GABRR2: variants seen among roughly 807,000 people sequenced by gnomAD.
GABRR2 encodes the protein gamma-aminobutyric acid receptor subunit rho-2.
A neutral mutation model predicts 47.0 loss-of-function variants in GABRR2; 36 were observed. That is an observed-to-expected ratio of 0.77 (90% CI 0.59 to 1.01). GABRR2 has a LOEUF of 1.01. Among genes scored for constraint, GABRR2 ranks in the 50% least tolerant of loss-of-function variants. The pLI, the probability that GABRR2 is intolerant of heterozygous loss-of-function variation, is 0.00. For synonymous variants in GABRR2, 204 were observed against 227.5 expected (o/e 0.90, Z 0.93); for missense variants, 587 against 594.6 (o/e 0.99, Z 0.13).
chr6:89,291,039 C>T (rs1774431455), intron 2 of GABRR2, among the ~76,000 whole-genome samples: 1 of 152,208 alleles, frequency 6.6e-6, no homozygotes, highest in Non-Finnish European at 1.5e-5. Context: ...AGCATGCCAG[C>T]TGCTTCCTGT....
At position 89,302,529 on chromosome 6, in the gene GABRR2, G is replaced by C; in HGVS notation, c.114-2664C>G. The C allele has an allele frequency of 6.0e-6, 5 of 839,688 alleles. 1 individual carries two copies. The South Asian group carries it at 6.6e-5, about 11-fold the overall frequency. The allele number at this position is 839,688 out of a possible 1,614,324, so 52.0% of individuals were successfully genotyped here. A position where few individuals can be genotyped will look rare whatever the true frequency, so the allele number is the denominator to read the frequency against. On this transcript the variant is annotated intron_variant, in intron 1 of 8. Coordinates refer to ENST00000402938, the MANE Select transcript of GABRR2 (RefSeq NM_002043.5). ...GCCAGCTCAATGCGGACCTGCACAA[G>C]CTGGTGGTGAACATGGGTGCCCTTC...
At chr6:89,299,978 T>C in intron 1 of GABRR2, 113 bp from the exon 2 acceptor site, 1 of 694,116 alleles carries the variant, frequency 1.4e-6, no homozygotes, top group Non-Finnish European at 2.6e-6. Context: ...TTCTCCATTC[T>C]ACTTCTTGGC....
chr6:89,301,160 A>G (rs1261700800), intron 1 of GABRR2, among the ~76,000 whole-genome samples: 1 of 149,620 alleles, frequency 6.7e-6, no homozygotes, highest in African/African-American at 2.5e-5. Flanking sequence ...CAATGGATGC[A>G]CAAGAGGCTT....
chr6:89,294,328 T>C (rs1774520184), intron 2 of GABRR2, among the ~76,000 whole-genome samples: 1 of 152,164 alleles, frequency 6.6e-6, no homozygotes, highest in Non-Finnish European at 1.5e-5. Context: ...GTATGTTTAA[T>C]AGAGATGGGT....
chr6:89,265,031 A>C (rs1172896874), intron 7 of GABRR2, among the ~76,000 whole-genome samples: 1 of 152,142 alleles, frequency 6.6e-6, no homozygotes, highest in East Asian at 1.9e-4. Flanking sequence ...GGAAATTCCC[A>C]GAGGCCCATC....
At chr6:89,298,501 C>CT (rs1022695493) in intron 2 of GABRR2, among the ~76,000 whole-genome samples, 6 of 152,156 alleles carry the variant, frequency 3.9e-5, no homozygotes, top group African/African-American at 1.4e-4. Context: ...ACAGCTACTC[C>CT]TTTTTACTGC....
rs1187678160 is a variant in GABRR2, at chr6:89,314,045, AAG to A, written c.113+1006_113+1007del. On this transcript the variant is annotated intron_variant, in intron 1 of 8. Transcript: ENST00000402938. ...GTTTTTTTTTTTTTTTTCTAAAAAT[AAG>A]AAATCAATTAAACTTTAACATACAT... Among the ~76,000 whole-genome samples, 3 of 149,942 alleles carry A rather than the reference AAG, an allele frequency of 2.0e-5. No individual in the cohort carries two copies. In the East Asian group the frequency reaches 5.8e-4, roughly 29 times the overall value.
intron 6 of GABRR2, among the ~76,000 whole-genome samples, chr6:89,267,247 C>T (rs571293196): frequency 2.0e-5 from 3 of 152,212 alleles, no homozygotes; most frequent in Admixed American, 2.0e-4. Flanking sequence ...AAGCCAGAAC[C>T]TATTCTAGGC....
chr6:89,281,581 T>G (rs1283844654), intron 2 of GABRR2, among the ~76,000 whole-genome samples: 3 of 152,170 alleles, frequency 2.0e-5, no homozygotes, highest in East Asian at 1.9e-4. Context: ...AAAGGCAGTT[T>G]CTTTGATCCA....
chr6:89,278,446 A>G (rs1774203607), intron 2 of GABRR2, among the ~76,000 whole-genome samples: 1 of 152,250 alleles, frequency 6.6e-6, no homozygotes, highest in African/African-American at 2.4e-5. Flanking sequence ...TTTTAAAAAT[A>G]GTAAAGAAAA....
Position 89,299,787 on chromosome 6 carries a change from G to A in GABRR2, c.192C>T (p.His64=), listed in dbSNP as rs760990853. 8.7e-6 allele frequency: 14 copies of A among 1,613,794 alleles called. No homozygotes were observed. The highest frequency in any genetic ancestry group is 1.7e-4 in the Middle Eastern group (1 of 6,060). ...KPQQLLRVDE[H]DFSMRPAFGG... is the part of the protein sequence containing the mutation. ...CGAAGGCGGGTCTCATGCTGAAGTC[G>A]TGCTCGTCCACTCTGAGAAGCTGCT... Residue 64 remains histidine, a synonymous_variant, in exon 2 of 9, where the codon CAC becomes CAT. Coordinates refer to ENST00000402938, the MANE Select transcript of GABRR2 (RefSeq NM_002043.5).
intron 2 of GABRR2, among the ~76,000 whole-genome samples, chr6:89,277,868 T>TGGGGGGGGGG (rs141786803): frequency 1.2e-5 from 1 of 84,402 alleles, no homozygotes; most frequent in Non-Finnish European, 2.4e-5. Flanking sequence ...TGGGCGGGGG[T>TGGGGGGGGGG]GGGGGGGGGT....
intron 3 of GABRR2, 76 bp downstream of exon 3, chr6:89,271,579 C>G: frequency 7.6e-7 from 1 of 1,322,404 alleles, no homozygotes; most frequent in Non-Finnish European, 1.1e-6. Flanking sequence ...GCTCTGCCCA[C>G]ACAGGCACAG....
intron 1 of GABRR2, among the ~76,000 whole-genome samples, chr6:89,305,573 A>C (rs1336567687): frequency 6.6e-6 from 1 of 152,078 alleles, no homozygotes; most frequent in East Asian, 1.9e-4. Context: ...GGCTGCAGTG[A>C]GCCATGATCA....
At chr6:89,292,779 CGTATATACGAT>C (rs1774482673) in intron 2 of GABRR2, among the ~76,000 whole-genome samples, 1 of 90,932 alleles carries the variant, frequency 1.1e-5, no homozygotes, top group African/African-American at 4.1e-5. Context: ...TCGTATATAT[CGTATATACGAT>C]ATATCGTATA....
At chr6:89,268,217 T>G in intron 4 of GABRR2, 121 bp from the exon 5 acceptor site, 1 of 732,088 alleles carries the variant, frequency 1.4e-6, no homozygotes, top group Non-Finnish European at 2.5e-6. Context: ...CTGCAGAAGT[T>G]TGGAAACAGT....
chr6:89,312,527 G>A (rs1767698010), intron 1 of GABRR2, among the ~76,000 whole-genome samples: 1 of 152,240 alleles, frequency 6.6e-6, no homozygotes, highest in Admixed American at 6.5e-5. Flanking sequence ...ATGTGTGTGA[G>A]TGTGACCGTG....
chr6:89,299,760 T>C lies in GABRR2; in HGVS notation c.219A>G (p.Gly73=), dbSNP rs1774616868. ...EHDFSMRPAF[G]GPAIPVGVDV... is the part of the protein sequence containing the mutation. ...GGCATCAAGGAAGAACAGTCCTACC[T>C]CCGAAGGCGGGTCTCATGCTGAAGT... is the stretch of plus-strand genomic sequence containing the variant. The change falls in exon 2 of 9, where the codon GGA becomes GGG. Residue 73 remains glycine, a splice_region_variant and synonymous_variant. Transcript: ENST00000402938. 6.2e-7 allele frequency: 1 copy of C among 1,611,038 alleles called. No individual in the cohort carries two copies. The highest frequency in any genetic ancestry group is 8.5e-7 in the Non-Finnish European group (1 of 1,177,238).
chr6:89,267,977 G>A, intron 5 of GABRR2, 37 bp downstream of exon 5: 1 of 1,595,230 alleles, frequency 6.3e-7, no homozygotes, highest in East Asian at 2.2e-5. Context: ...GATCAGAGAG[G>A]AAAGAAAGTG....
Sources: allele counts gnomAD v4.1 joint callset (sites outside exome capture counted in the v4.1 genomes callset), GRCh38; gene constraint gnomAD v4.1.1; transcripts MANE v1.5; gene names NCBI Gene and HGNC (gene_info 2026-07-23, HGNC 2026-07-21).